The following TJP2 variants were observed in gnomAD, a reference collection of about 807,000 sequenced individuals.
The protein encoded by TJP2 is tight junction protein 2.
In TJP2, 91 loss-of-function variants were observed where a neutral mutation model predicts 133.1. The ratio of observed to expected loss-of-function variants is 0.68; its 90% CI spans 0.58 to 0.81. TJP2 has a LOEUF of 0.81. TJP2 is among the 40% of genes least tolerant of loss of function. TJP2 has a pLI of 0.00. For synonymous variants in TJP2, 592 were observed against 583.4 expected (o/e 1.01, Z -0.21); for missense variants, 1,541 against 1,565.6 (o/e 0.98, Z 0.26).
At chr9:69,131,807 A>G (rs1822506033) in intron 1 of TJP2, among the ~76,000 whole-genome samples, 1 of 152,176 alleles carries the variant, frequency 6.6e-6, no homozygotes, top group African/African-American at 2.4e-5. Flanking sequence ...GTTAATGGAC[A>G]GGACTGGAAA....
intron 1 of TJP2, chr9:69,145,623 C>T (rs957644052): frequency 2.4e-6 from 2 of 850,054 alleles, no homozygotes; most frequent in South Asian, 1.2e-4. Context: ...AAAGGAACAG[C>T]AGCTTCCATT....
Position 69,207,830 on chromosome 9 carries a change from GC to G in TJP2, c.61-4715del, listed in dbSNP as rs147302566. On this transcript the variant is annotated intron_variant, in intron 1 of 22. Coordinates refer to ENST00000377245, the MANE Select transcript of TJP2 (RefSeq NM_004817.4). ...AAGCTGCTGCACCCTGGCAGCCTGT[GC>G]CCAGGGATGTTCCTAGAGCTGATGT... 4.9e-3 allele frequency among the ~76,000 whole-genome samples: 752 copies of G among 152,338 alleles called. 13 individuals are homozygous for G. The highest frequency in any genetic ancestry group is 0.018 in the African/African-American group (729 of 41,570).
At chr9:69,173,715 C>T (rs1470437061), upstream of TJP2, among the ~76,000 whole-genome samples, 1 of 152,174 alleles carries the variant, frequency 6.6e-6, no homozygotes, top group Non-Finnish European at 1.5e-5. Context: ...TGAGGTTTTC[C>T]CAGTTCGACT....
Position 69,254,310 on chromosome 9 carries a change from T to A in TJP2, c.3509T>A (p.Leu1170Gln). Reference protein sequence around the residue: ...DAEEEEYRQQLSEHSKRGYYG... With the variant: ...DAEEEEYRQQQSEHSKRGYYG... ...GAGGAGGAGGAGTACCGCCAGCAGCTGTCAGAACACTCCAAGCGCGGTTAC... is the reference window on the plus strand; with the variant it reads ...GAGGAGGAGGAGTACCGCCAGCAGCAGTCAGAACACTCCAAGCGCGGTTAC... The change falls in exon 23 of 23, where the codon CTG (leucine) becomes CAG (glutamine). Residue 1170 changes from leucine (L) to glutamine (Q), a missense_variant. Physicochemically the swap from Leu to Gln is moderately radical, Grantham distance 113. Coordinates refer to ENST00000377245, the MANE Select transcript of TJP2 (RefSeq NM_004817.4). The A allele has an allele frequency of 6.2e-7, 1 of 1,614,232 alleles. No homozygotes were observed. The highest frequency in any genetic ancestry group is 8.5e-7 in the Non-Finnish European group (1 of 1,180,050).
rs553871854 is a variant in TJP2 at position 69,123,375 on chromosome 9, C to T, written c.-131+1650C>T. On this transcript the variant is annotated intron_variant, in intron 1 of 5. Transcript: ENST00000423935. ...TTAATTCAATATTGTGCCACCATCA[C>T]CACTACCCATTTCCAGAACTTTTTC... Among the ~76,000 whole-genome samples, 87 of 76,564 alleles carry T rather than the reference C, an allele frequency of 1.1e-3. 35 individuals carry two copies. The highest frequency in any genetic ancestry group is 5.5e-3 in the Admixed American group (29 of 5,240). The allele number at this position is 76,564 out of a possible 152,430, so 50.2% of individuals were successfully genotyped here.
intron 11 of TJP2, among the ~76,000 whole-genome samples, chr9:69,231,459 GT>G (rs60053979): frequency 1.5e-3 from 229 of 150,496 alleles, no homozygotes; most frequent in African/African-American, 5.2e-3. Flanking sequence ...TATATATGAG[GT>G]TTTTTTTTTC....
In TJP2 at chr9:69,252,851, G is replaced by T; in HGVS notation, c.3358G>T (p.Val1120Phe). The change falls in exon 22 of 23, where the codon GTT becomes TTT. Residue 1120 changes from valine to phenylalanine, a missense_variant. By Grantham distance (50) the Val-to-Phe change is conservative. Coordinates refer to ENST00000377245, the MANE Select transcript of TJP2 (RefSeq NM_004817.4). ...CCAGAAGCATCCTGATATCTATGCA[G>T]TTCCAATCAAAACGCACAAGCCAGA... ...IAQKHPDIYA[V>F]PIKTHKPDPG... is the part of the protein sequence containing the mutation. The T allele has an allele frequency of 3.1e-6, 5 of 1,614,158 alleles. No individual in the cohort carries two copies. The highest frequency in any genetic ancestry group is 4.2e-6 in the Non-Finnish European group (5 of 1,180,028).
At chr9:69,196,954 C>CGTGTGTGTGTGT (rs1564425704) in intron 1 of TJP2, among the ~76,000 whole-genome samples, 2 of 150,736 alleles carry the variant, frequency 1.3e-5, no homozygotes, top group African/African-American at 4.9e-5. Flanking sequence ...TGTACACACA[C>CGTGTGTGTGTGT]ACACACACAC....
intron 20 of TJP2, among the ~76,000 whole-genome samples, chr9:69,250,574 A>G (rs181095182): frequency 6.6e-6 from 1 of 152,340 alleles, no homozygotes; most frequent in African/African-American, 2.4e-5. Context: ...GTTAGCGTGA[A>G]GCAGTGCTCT....
rs1209236973 is a variant in TJP2 at position 69,125,972 on chromosome 9, G to A, written c.-131+4247G>A. 2.6e-5 allele frequency among the ~76,000 whole-genome samples: 2 copies of A among 76,492 alleles called. 1 individual carries two copies. The highest frequency in any genetic ancestry group is 6.0e-5 in the Non-Finnish European group (2 of 33,340). 50.2% of individuals were successfully genotyped at this position (76,492 alleles called of 152,430 possible). On this transcript the variant is annotated intron_variant, in intron 1 of 5. Transcript: ENST00000423935. ...AACAGGGATTTTCAGATATACTGTC[G>A]TTAAATCTTTACAACAACCTTGAGC...
At chr9:69,170,058 A>G (rs185166470), upstream of TJP2, among the ~76,000 whole-genome samples, 3 of 152,264 alleles carry the variant, frequency 2.0e-5, no homozygotes, top group African/African-American at 7.2e-5. Context: ...TATGTTGTCC[A>G]GGCTGGACTC....
At chr9:69,191,567 T>G (rs967996822) in intron 1 of TJP2, among the ~76,000 whole-genome samples, 5 of 152,212 alleles carry the variant, frequency 3.3e-5, no homozygotes, top group African/African-American at 9.6e-5. Flanking sequence ...TGAATGTATG[T>G]ATCAGTCACT....
intron 1 of TJP2, among the ~76,000 whole-genome samples, chr9:69,151,360 A>T (rs1823467059): frequency 6.6e-6 from 1 of 152,098 alleles, no homozygotes; most frequent in Non-Finnish European, 1.5e-5. Flanking sequence ...GCATGCCTGT[A>T]ATCCCAGCTT....
intron 1 of TJP2, among the ~76,000 whole-genome samples, chr9:69,190,492 T>C (rs1467528192): frequency 2.0e-5 from 3 of 152,220 alleles, no homozygotes; most frequent in Non-Finnish European, 4.4e-5. Flanking sequence ...TTTTGGATTA[T>C]GTACTCACTA....
intron 2 of TJP2, among the ~76,000 whole-genome samples, chr9:69,158,963 C>T (rs1823913171): frequency 6.6e-6 from 1 of 150,942 alleles, no homozygotes; most frequent in Non-Finnish European, 1.5e-5. Context: ...TTAGGCAATC[C>T]CCTTGGGCAG....
intron 1 of TJP2, among the ~76,000 whole-genome samples, chr9:69,134,790 C>T (rs148677041): frequency 5.1e-4 from 77 of 152,216 alleles, no homozygotes; most frequent in African/African-American, 1.8e-3. Flanking sequence ...TGTTTCTCAG[C>T]GCTCTGGAGA....
chr9:69,220,922 A>C lies in TJP2; in HGVS notation c.378A>C (p.Ala126=). 6.2e-6 allele frequency: 10 copies of C among 1,612,420 alleles called. No individual in the cohort carries two copies. Among genetic ancestry groups the C allele is most frequent in the Non-Finnish European group, 8.5e-6 (10 of 1,179,982 alleles). Residue 126 remains alanine (A), a synonymous_variant, in exon 5 of 23, where the codon GCA becomes GCC. Coordinates refer to ENST00000377245, the MANE Select transcript of TJP2 (RefSeq NM_004817.4). The part of the protein sequence containing the change: ...VKRPRKVQVA[A]LQASPPLDQD... ...GGCCCCGGAAGGTCCAGGTGGCCGC[A>C]CTTCAGGCCAGCCCTCCCCTGGATC...
chr9:69,254,147 C>T, intron 22 of TJP2, 62 bp from the exon 23 acceptor site: 1 of 1,593,310 alleles, frequency 6.3e-7, no homozygotes, highest in Non-Finnish European at 8.6e-7. Context: ...AGCCATGCCT[C>T]CCCGGGCAGC....
Position 69,254,516 on chromosome 9 carries a change from A to T in TJP2, c.*142A>T, listed in dbSNP as rs747099369. The T allele has an allele frequency of 4.7e-6, 5 of 1,063,646 alleles. No individual in the cohort carries two copies. The highest frequency in any genetic ancestry group is 7.0e-6 in the Non-Finnish European group (5 of 714,870). The allele number at this position is 1,063,646 out of a possible 1,614,324, so 65.9% of individuals were successfully genotyped here. ...TCCAGCTCGTGTGTCCTCATGGAGA[A>T]CCCAGGGGACAGCTGGTGCAAATTC... On this transcript the variant is annotated 3_prime_UTR_variant, in exon 23 of 23. Coordinates refer to ENST00000377245, the MANE Select transcript of TJP2 (RefSeq NM_004817.4).
Sources: gnomAD v4.1 joint callset for allele counts (sites outside exome capture counted in the v4.1 genomes callset) on GRCh38, gnomAD v4.1.1 for gene constraint, MANE v1.5 for transcripts, NCBI Gene and HGNC (gene_info 2026-07-23, HGNC 2026-07-21) for gene names.